Variants in FGF9 observed in about 807,000 individuals in gnomAD.
The protein encoded by FGF9 is fibroblast growth factor 9.
A neutral mutation model predicts 19.9 loss-of-function variants in FGF9; 3 were observed. The ratio of observed to expected loss-of-function variants is 0.15; its 90% CI spans 0.07 to 0.39. FGF9 has a LOEUF of 0.39. FGF9 is among the 10% of genes least tolerant of loss of function. The pLI is 1.00. For missense variants in FGF9, 175 were observed against 256.8 expected, an observed-to-expected ratio of 0.68 and a Z score of 2.18; for synonymous variants, 107 against 106.9, an observed-to-expected ratio of 1.00 and a Z score of -0.01.
intron 2 of FGF9, among the ~76,000 whole-genome samples, chr13:21,693,965 ACT>A (rs758988385): frequency 6.6e-6 from 1 of 152,110 alleles, no homozygotes; most frequent in African/African-American, 2.4e-5. Flanking sequence ...TTCCAACTGC[ACT>A]GAGTCCCTTT....
At chr13:21,693,622 G>A (rs931305708) in intron 2 of FGF9, among the ~76,000 whole-genome samples, 1 of 152,152 alleles carries the variant, frequency 6.6e-6, no homozygotes. Flanking sequence ...GGCAGTTCAT[G>A]ATGTAGGGTT....
chr13:21,697,712 G>A (rs2138147127), intron 2 of FGF9, among the ~76,000 whole-genome samples: 1 of 151,682 alleles, frequency 6.6e-6, no homozygotes, highest in Admixed American at 6.6e-5. Context: ...GCGGAATTTT[G>A]TTCACGATTG....
intron 2 of FGF9, among the ~76,000 whole-genome samples, chr13:21,696,240 A>G (rs1006026695): frequency 6.6e-6 from 1 of 152,206 alleles, no homozygotes. Flanking sequence ...AGGATTTGGT[A>G]AAAGTTTTGA....
intron 2 of FGF9, among the ~76,000 whole-genome samples, chr13:21,681,837 A>T (rs1226456250): frequency 6.6e-6 from 1 of 152,162 alleles, no homozygotes; most frequent in Admixed American, 6.5e-5. Context: ...TCATGGTATC[A>T]CTTTACTCCT....
intron 2 of FGF9, among the ~76,000 whole-genome samples, chr13:21,684,882 G>C (rs1445272561): frequency 1.3e-5 from 2 of 152,180 alleles, no homozygotes; most frequent in Non-Finnish European, 2.9e-5. Flanking sequence ...TTTGTAAGGA[G>C]CTGGGAGGGA....
chr13:21,681,047 C>T lies in FGF9; in HGVS notation c.283C>T (p.Leu95=), dbSNP rs776951218. The change falls in exon 2 of 3, where the codon CTG becomes TTG. Residue 95 remains leucine, a synonymous_variant. Transcript: ENST00000382353. ...CTTCTACCCTTTGTCTACAGGCATTCTGGAATTTATCAGTATAGCAGTGGG... is the reference window on the plus strand; with the variant it reads ...CTTCTACCCTTTGTCTACAGGCATTTTGGAATTTATCAGTATAGCAGTGGG... ...TRKDHSRFGI[L]EFISIAVGLV... 1 of 1,612,692 alleles carries T rather than the reference C, an allele frequency of 6.2e-7. No homozygotes were observed. Among genetic ancestry groups the T allele is most frequent in the East Asian group, 2.2e-5 (1 of 44,860 alleles).
intron 2 of FGF9, among the ~76,000 whole-genome samples, chr13:21,683,905 G>A (rs139593484): frequency 2.0e-5 from 3 of 152,340 alleles, no homozygotes; most frequent in East Asian, 1.9e-4. Context: ...TACAGCCCAC[G>A]TTCTTTAATG....
Position 21,702,419 on chromosome 13 carries a change from A to G in FGF9, c.*984A>G, listed in dbSNP as rs776882017. The G allele has an allele frequency of 1.3e-5, 2 of 152,200 alleles. No individual in the cohort carries two copies. The highest frequency in any genetic ancestry group is 2.4e-5 in the African/African-American group (1 of 41,432). 9.4% of individuals were successfully genotyped at this position (152,200 alleles called of 1,614,324 possible). On this transcript the variant is annotated 3_prime_UTR_variant, in exon 3 of 3. Transcript: ENST00000382353. ...TGTCTGCAATATTTCCTCTCTCATA[A>G]GTGACTCCACTATTGTAACTTCATG...
At chr13:21,685,826 G>A (rs1259518313) in intron 2 of FGF9, among the ~76,000 whole-genome samples, 1 of 152,140 alleles carries the variant, frequency 6.6e-6, no homozygotes, top group Non-Finnish European at 1.5e-5. Context: ...GGATAAATAG[G>A]AGCCTCAGAA....
At chr13:21,700,240 T>C (rs1291726530) in intron 2 of FGF9, among the ~76,000 whole-genome samples, 2 of 152,090 alleles carry the variant, frequency 1.3e-5, no homozygotes, top group South Asian at 4.1e-4. Flanking sequence ...ATGTAGCTTT[T>C]TTAGTTAGGG....
At position 21,701,323 on chromosome 13, in the gene FGF9, C is replaced by T. The variant is rs371548027; in HGVS notation, c.515C>T (p.Pro172Leu). 6 of 1,613,950 alleles carry T rather than the reference C, an allele frequency of 3.7e-6. No individual in the cohort carries two copies. The highest frequency in any genetic ancestry group is 5.1e-6 in the Non-Finnish European group (6 of 1,180,014). ...GTTGCATTAAATAAAGATGGGACCC[C>T]GAGAGAAGGGACTAGGACTAAACGG... is the stretch of plus-strand genomic sequence containing the variant. ...YYVALNKDGTPREGTRTKRHQ... is the reference protein window; with the variant it reads ...YYVALNKDGTLREGTRTKRHQ... Residue 172 changes from proline (P) to leucine (L), a missense_variant, in exon 3 of 3, where the codon CCG (proline) becomes CTG (leucine). Around this residue, in one of 3 missense-constraint regions of FGF9, gnomAD observed 101 missense variants for 160.7 expected, o/e 0.63. Transcript: ENST00000382353.
chr13:21,692,750 C>A (rs17840896), intron 2 of FGF9, among the ~76,000 whole-genome samples: 1 of 152,086 alleles, frequency 6.6e-6, no homozygotes, highest in Non-Finnish European at 1.5e-5. Flanking sequence ...GTGTTTCTTG[C>A]GAGTTTGAAT....
chr13:21,686,811 G>A (rs1872169590), intron 2 of FGF9, among the ~76,000 whole-genome samples: 1 of 152,204 alleles, frequency 6.6e-6, no homozygotes, highest in African/African-American at 2.4e-5. Flanking sequence ...ATCGAATAGT[G>A]ATAGCACTGA....
chr13:21,688,739 G>A (rs1310976647), intron 2 of FGF9, among the ~76,000 whole-genome samples: 3 of 147,744 alleles, frequency 2.0e-5, no homozygotes, highest in Non-Finnish European at 3.0e-5. Flanking sequence ...TTACACAGAT[G>A]TGATTTTGGA....
chr13:21,674,199 A>T (rs1165149658), intron 1 of FGF9: 1 of 153,120 alleles, frequency 6.5e-6, no homozygotes, highest in African/African-American at 2.4e-5. Flanking sequence ...GCGGGGACAG[A>T]GGACGGGCTG....
Position 21,672,050 on chromosome 13 carries a change from C to T in FGF9, c.138C>T (p.Pro46=). 4 of 1,614,206 alleles carry T rather than the reference C, an allele frequency of 2.5e-6. No homozygotes were observed. Among genetic ancestry groups the T allele is most frequent in the Non-Finnish European group, 3.4e-6 (4 of 1,180,030 alleles). The part of the protein sequence containing the change: ...HLGQSEAGGL[P]RGPAVTDLDH... ...GTCAGTCCGAAGCAGGGGGGCTCCC[C>T]AGGGGACCCGCAGTCACGGACTTGG... Residue 46 remains proline, a synonymous_variant, in exon 1 of 3, where the codon CCC becomes CCT. Coordinates refer to ENST00000382353, the MANE Select transcript of FGF9 (RefSeq NM_002010.3). This position sits in a 1 kb window ranked among gnomAD's most constrained non-coding sequence, Gnocchi z 4.2.
chr13:21,691,502 C>T lies in FGF9; in HGVS notation c.382-9688C>T, dbSNP rs943455829. Among the ~76,000 whole-genome samples the T allele has an allele frequency of 6.6e-6, 1 of 152,220 alleles. No individual in the cohort carries two copies. The highest frequency in any genetic ancestry group is 2.4e-5 in the African/African-American group (1 of 41,466). On this transcript the variant is annotated intron_variant, in intron 2 of 2. Coordinates refer to ENST00000382353, the MANE Select transcript of FGF9 (RefSeq NM_002010.3). The surrounding 1 kb of genome is among the most constrained non-coding windows in gnomAD (Gnocchi z 4.2). Reference sequence around the variant, plus strand: ...GGATTCTGTGGTCTTTCCTCTGTCCCTGCCTCATCTGCCTCATCTTGTCTC... The same window carrying T: ...GGATTCTGTGGTCTTTCCTCTGTCCTTGCCTCATCTGCCTCATCTTGTCTC...
chr13:21,676,753 T>C (rs940685976), intron 1 of FGF9, among the ~76,000 whole-genome samples: 9 of 152,162 alleles, frequency 5.9e-5, no homozygotes, highest in African/African-American at 1.9e-4. Flanking sequence ...CTGTAATGCG[T>C]TGGGGGCTCT....
chr13:21,695,081 T>C (rs79416249), intron 2 of FGF9, among the ~76,000 whole-genome samples: 37 of 139,852 alleles, frequency 2.6e-4, no homozygotes, highest in Admixed American at 1.7e-3. Flanking sequence ...TGTGTGTGTG[T>C]GCGTGTGTGT....
Sources: gnomAD v4.1 joint callset for allele counts (sites outside exome capture counted in the v4.1 genomes callset) on GRCh38, gnomAD v4.1.1 for gene constraint, gnomAD v4.1.1 regional missense constraint, Gnocchi (gnomAD v3.1) non-coding constraint, MANE v1.5 for transcripts, NCBI Gene and HGNC (gene_info 2026-07-23, HGNC 2026-07-21) for gene names.